The following CTNNA3 variants were observed in gnomAD, a reference collection of about 807,000 sequenced individuals.
CTNNA3 encodes catenin alpha-3.
Under a neutral mutation model 95.7 loss-of-function variants are expected in CTNNA3, and 76 were observed. The observed-to-expected ratio is 0.79, with a 90% CI of 0.66 to 0.96. The LOEUF (loss-of-function observed/expected upper bound fraction) is 0.96. CTNNA3 is among the 40% of genes least tolerant of loss of function. The pLI is 0.00. For missense variants in CTNNA3, 1,191 were observed against 1,089.8 expected (o/e 1.09, Z -1.31); for synonymous variants, 431 against 374.4 (o/e 1.15, Z -1.74).
intron 15 of CTNNA3, among the ~76,000 whole-genome samples, chr10:66,048,972 CA>C (rs35141230): frequency 0.52 from 78,746 of 151,288 alleles, 20,841 homozygotes; most frequent in South Asian, 0.59. Context: ...TTCTACACAG[CA>C]AAAAAAAACT....
intron 13 of CTNNA3, among the ~76,000 whole-genome samples, chr10:66,139,806 C>G (rs1296967281): frequency 6.6e-6 from 1 of 152,104 alleles, no homozygotes; most frequent in Non-Finnish European, 1.5e-5. Context: ...GAAATCCAGC[C>G]TCAGTCATCC....
intron 13 of CTNNA3, among the ~76,000 whole-genome samples, chr10:66,232,139 T>C (rs976993366): frequency 1.3e-5 from 2 of 152,182 alleles, no homozygotes; most frequent in South Asian, 4.1e-4. Context: ...CACTGTCCAA[T>C]GCCTTGATTT....
chr10:67,695,147 C>G (rs1259426795), intron 1 of CTNNA3, among the ~76,000 whole-genome samples: 1 of 152,192 alleles, frequency 6.6e-6, no homozygotes, highest in African/African-American at 2.4e-5. Flanking sequence ...AAACCCAGAA[C>G]CAATGCAAAC....
Position 66,384,794 on chromosome 10 carries a change from A to G in CTNNA3, c.1532-5442T>C, listed in dbSNP as rs1198054938. 5.9e-5 allele frequency among the ~76,000 whole-genome samples: 9 copies of G among 152,222 alleles called. No individual in the cohort carries two copies. The East Asian group carries it at 1.7e-3, about 29-fold the overall frequency. On this transcript the variant is annotated intron_variant, in intron 11 of 17. Transcript: ENST00000433211. ...AACTCAGGATTAAGAAACTTACTCC[A>G]AACAACACAACTACATGGAAAATGA... is the stretch of plus-strand genomic sequence containing the variant.
chr10:66,868,919 G>A (rs886341858), intron 7 of CTNNA3, among the ~76,000 whole-genome samples: 13 of 152,088 alleles, frequency 8.5e-5, no homozygotes, highest in Non-Finnish European at 1.6e-4. Flanking sequence ...AATGCTAGAA[G>A]AAACAGAAAA....
At position 66,536,481 on chromosome 10, in the gene CTNNA3, C is replaced by CAAA. The variant is rs10676331; in HGVS notation, c.1375-15711_1375-15709dup. ...TGGTCAACAGAGCAAGACTCTGTCT[C>CAAA]AAAAAAAAAAAAAAAAAGTAATTCC... On this transcript the variant is annotated intron_variant, in intron 10 of 17. Transcript: ENST00000433211. Among the ~76,000 whole-genome samples the CAAA allele has an allele frequency of 2.7e-3, 312 of 115,950 alleles. 10 individuals are homozygous for CAAA. Among genetic ancestry groups the CAAA allele is most frequent in the Admixed American group, 4.3e-3 (47 of 10,856 alleles). 76.1% of individuals were successfully genotyped at this position (115,950 alleles called of 152,430 possible). A position where few individuals can be genotyped will look rare whatever the true frequency, so the allele number is the denominator to read the frequency against.
At chr10:66,544,549 T>C (rs973790773) in intron 10 of CTNNA3, among the ~76,000 whole-genome samples, 3 of 152,138 alleles carry the variant, frequency 2.0e-5, no homozygotes, top group Non-Finnish European at 4.4e-5. Flanking sequence ...AATTTCTGTG[T>C]TTTTAGTAAT....
chr10:66,890,596 A>G (rs10997432), intron 7 of CTNNA3, among the ~76,000 whole-genome samples: 109,515 of 151,498 alleles, frequency 0.72, 41,684 homozygotes, highest in Non-Finnish European at 0.84. Context: ...CAATGGGAGT[A>G]AAAAGAGATT....
chr10:66,121,564 T>C lies in CTNNA3; in HGVS notation c.1885-18315A>G, dbSNP rs553322040. Among the ~76,000 whole-genome samples the C allele has an allele frequency of 5.3e-5, 8 of 152,240 alleles. No homozygotes were observed. The East Asian group carries it at 1.4e-3, about 26-fold the overall frequency. On this transcript the variant is annotated intron_variant, in intron 13 of 17. Transcript: ENST00000433211. ...TTGGAATAATCATGTGGGAAAAAAG[T>C]TGTAGCCAGGTGCAGTGGTTCATGC...
At chr10:65,956,304 G>T (rs553602912) in intron 17 of CTNNA3, among the ~76,000 whole-genome samples, 1 of 151,970 alleles carries the variant, frequency 6.6e-6, no homozygotes, top group South Asian at 2.1e-4. Flanking sequence ...TCTTTCTAGC[G>T]GTCTATCAAT....
intron 15 of CTNNA3, among the ~76,000 whole-genome samples, chr10:66,045,575 T>C (rs933066486): frequency 2.0e-5 from 3 of 152,206 alleles, no homozygotes; most frequent in African/African-American, 7.2e-5. Flanking sequence ...TAATAGAAGG[T>C]GCTCTAACTC....
At chr10:67,700,720 T>A (rs1230409072), upstream of CTNNA3, among the ~76,000 whole-genome samples, 1 of 151,978 alleles carries the variant, frequency 6.6e-6, no homozygotes, top group Admixed American at 6.6e-5. Context: ...GCAGAGCGCC[T>A]CTCCTCCTCC....
intron 1 of CTNNA3, among the ~76,000 whole-genome samples, chr10:67,762,941 T>G (rs556839822): frequency 5.3e-5 from 8 of 152,256 alleles, no homozygotes; most frequent in Admixed American, 2.0e-4. Flanking sequence ...CCCTTAGAGT[T>G]GTAAGCCCTT....
At chr10:66,787,453 A>G (rs1840793494) in intron 7 of CTNNA3, among the ~76,000 whole-genome samples, 1 of 152,122 alleles carries the variant, frequency 6.6e-6, no homozygotes, top group Admixed American at 6.6e-5. Context: ...GAGACGACTT[A>G]TTCACAGCTT....
At chr10:66,121,566 G>C (rs1281349642) in intron 13 of CTNNA3, among the ~76,000 whole-genome samples, 1 of 152,090 alleles carries the variant, frequency 6.6e-6, no homozygotes, top group Non-Finnish European at 1.5e-5. Context: ...GAAAAAAGTT[G>C]TAGCCAGGTG....
intron 15 of CTNNA3, among the ~76,000 whole-genome samples, chr10:66,041,629 A>T (rs1380915635): frequency 6.6e-6 from 1 of 152,196 alleles, no homozygotes; most frequent in African/African-American, 2.4e-5. Context: ...TCTCTCTTCG[A>T]TGTTGACAAT....
chr10:67,232,344 G>C (rs1017786926), intron 5 of CTNNA3, among the ~76,000 whole-genome samples: 10 of 152,040 alleles, frequency 6.6e-5, no homozygotes, highest in African/African-American at 2.4e-4. Flanking sequence ...AGAAGAGAGT[G>C]GGGGCCAATA....
At chr10:66,528,180 C>T (rs1186826206) in intron 10 of CTNNA3, among the ~76,000 whole-genome samples, 1 of 152,128 alleles carries the variant, frequency 6.6e-6, no homozygotes, top group Non-Finnish European at 1.5e-5. Flanking sequence ...TCCTGTTAGA[C>T]CCTGTGCATT....
chr10:66,268,242 G>T (rs570246585), intron 13 of CTNNA3, among the ~76,000 whole-genome samples: 1 of 152,016 alleles, frequency 6.6e-6, no homozygotes, highest in Admixed American at 6.6e-5. Context: ...TGAAAGATGG[G>T]GTTCGTGTCT....
Sources: gnomAD v4.1 joint callset for allele counts (sites outside exome capture counted in the v4.1 genomes callset) on GRCh38, gnomAD v4.1.1 for gene constraint, MANE v1.5 for transcripts, NCBI Gene and HGNC (gene_info 2026-07-23, HGNC 2026-07-21) for gene names.